Variants in YY1AP1 observed in about 807,000 individuals in gnomAD.
YY1AP1 encodes the protein YY1 associated protein 1, also known as YY1-associated protein 1.
A neutral mutation model predicts 39.9 loss-of-function variants in YY1AP1; 43 were observed. That is an observed-to-expected ratio of 1.08 (90% CI 0.84 to 1.39). The LOEUF is 1.39. Among genes scored for constraint, YY1AP1 ranks in the 40% most tolerant of loss-of-function variants. YY1AP1 has a pLI of 0.00. For synonymous variants in YY1AP1, 292 were observed against 331.3 expected, an observed-to-expected ratio of 0.88 and a Z score of 1.29; for missense variants, 813 against 900.7, an observed-to-expected ratio of 0.90 and a Z score of 1.25.
chr1:155,661,237 G>A (rs1648050342), intron 10 of YY1AP1, 70 bp downstream of exon 10: 6 of 1,614,010 alleles, frequency 3.7e-6, no homozygotes, highest in African/African-American at 1.3e-5. Context: ...GATTAAGGAA[G>A]TCCTTGATAT....
intron 3 of YY1AP1, chr1:155,679,802 T>C (rs1651258547): frequency 8.0e-7 from 1 of 1,252,140 alleles, no homozygotes; most frequent in Non-Finnish European, 1.0e-6. Flanking sequence ...TAGACAAATT[T>C]ATGGAAAAGG....
chr1:155,666,071 C>T (rs1185773683), intron 9 of YY1AP1, among the ~76,000 whole-genome samples: 2 of 151,650 alleles, frequency 1.3e-5, no homozygotes, highest in African/African-American at 2.4e-5. Context: ...GCAGGAAAGG[C>T]AAGGTAACAC....
intron 2 of YY1AP1, among the ~76,000 whole-genome samples, chr1:155,685,422 T>C (rs1217689794): frequency 2.6e-5 from 4 of 152,142 alleles, no homozygotes; most frequent in Admixed American, 6.5e-5. Context: ...TTGTTATAAC[T>C]AAGTTAAACT....
Position 155,668,749 on chromosome 1 carries a change from C to CA in YY1AP1, c.756dup (p.Glu253Ter). On this transcript the variant is annotated frameshift_variant, in exon 9 of 11. Coordinates refer to ENST00000355499, the MANE Select transcript of YY1AP1 (RefSeq NM_139119.3). LOFTEE classifies it high-confidence loss of function. ...AGAGGGTTAAGAAACTCAGTCCCTT[C>CA]AAAATGCTTCAGTCCTAAAGCTAAC... The CA allele has an allele frequency of 5.0e-6, 8 of 1,614,178 alleles. No individual in the cohort carries two copies. The highest frequency in any genetic ancestry group is 5.9e-6 in the Non-Finnish European group (7 of 1,180,034).
Position 155,680,413 on chromosome 1 carries a change from C to CA in YY1AP1, c.21+2dup. 6.2e-7 allele frequency: 1 copy of CA among 1,613,354 alleles called. No individual in the cohort carries two copies. The highest frequency in any genetic ancestry group is 8.5e-7 in the Non-Finnish European group (1 of 1,179,578). ...ATGTTCTCACTTGAGGATCATTACT[C>CA]ACAGTTTCAAACAGATCTTCCATCA... On this transcript the variant is annotated splice_region_variant and intron_variant, in intron 3 of 10. Coordinates refer to ENST00000355499, the MANE Select transcript of YY1AP1 (RefSeq NM_139119.3).
intron 1 of YY1AP1, 50 bp downstream of exon 1, chr1:155,688,609 T>G: frequency 6.5e-7 from 1 of 1,534,104 alleles, no homozygotes; most frequent in Non-Finnish European, 8.7e-7. Flanking sequence ...AGTTCTCCAC[T>G]CCCCCTCAGA....
chr1:155,688,750 G>C lies in YY1AP1; in HGVS notation c.-243C>G. On this transcript the variant is annotated 5_prime_UTR_variant, in exon 1 of 11. Transcript: ENST00000355499. ...ACGGCCACCAACCGCCGCCAAAGCA[G>C]CCGCCGCCAGCACCCCCACCCTACA... is the stretch of plus-strand genomic sequence containing the variant. The C allele has an allele frequency of 1.3e-6, 2 of 1,518,016 alleles. No homozygotes were observed. The highest frequency in any genetic ancestry group is 1.8e-6 in the Non-Finnish European group (2 of 1,138,812). 94.0% of individuals were successfully genotyped at this position (1,518,016 alleles called of 1,614,324 possible). A position where few individuals can be genotyped will look rare whatever the true frequency, so the allele number is the denominator to read the frequency against.
rs1293585496 is a variant in YY1AP1, at chr1:155,668,631, A to G, written c.875T>C (p.Ile292Thr). The G allele has an allele frequency of 6.2e-7, 1 of 1,614,014 alleles. No individual in the cohort carries two copies. Among genetic ancestry groups the G allele is most frequent in the Non-Finnish European group, 8.5e-7 (1 of 1,180,018 alleles). The part of the protein sequence containing the change: ...LNMNRAPDNI[I>T]KFYKKTKQLP... ...GTGCATGCAGGAAACACTCACTTTA[A>G]TGATGTTGTCAGGAGCTCTGTTCAT... Residue 292 changes from isoleucine to threonine, a missense_variant, in exon 9 of 11, where the codon ATT (isoleucine) becomes ACT (threonine). Physicochemically the swap from Ile to Thr is moderately conservative, Grantham distance 89 (BLOSUM62 -1). This residue lies in a region of YY1AP1 where 586 missense variants were observed against 647.4 expected (regional missense o/e 0.91). Coordinates refer to ENST00000355499, the MANE Select transcript of YY1AP1 (RefSeq NM_139119.3).
rs58155011 is a variant in YY1AP1 at position 155,665,784 on chromosome 1, CAAAAAAAAAAA to C, written c.879+2832_879+2842del. Among the ~76,000 whole-genome samples the C allele has an allele frequency of 4.0e-4, 14 of 35,056 alleles. 1 individual carries two copies. The East Asian group carries it at 6.4e-3, about 16-fold the overall frequency. The allele number at this position is 35,056 out of a possible 152,430, so 23.0% of individuals were successfully genotyped here. A position where few individuals can be genotyped will look rare whatever the true frequency, so the allele number is the denominator to read the frequency against. The stretch of plus-strand genomic sequence containing the variant: ...GGGGACAGAGCAAGACTCTGTGTCT[CAAAAAAAAAAA>C]AAAAAAAAAAAAAAGTAATGCAAAA... On this transcript the variant is annotated intron_variant, in intron 9 of 10. Coordinates refer to ENST00000355499, the MANE Select transcript of YY1AP1 (RefSeq NM_139119.3).
intron 1 of YY1AP1, chr1:155,688,411 C>T (rs1652991887): frequency 2.6e-6 from 4 of 1,545,112 alleles, no homozygotes; most frequent in African/African-American, 1.4e-5. Context: ...ACCTCCCACT[C>T]CTCCCTCCTC....
intron 4 of YY1AP1, among the ~76,000 whole-genome samples, chr1:155,677,376 A>G (rs1297812213): frequency 6.6e-6 from 1 of 152,166 alleles, no homozygotes; most frequent in Admixed American, 6.6e-5. Context: ...CTCCTGAAAG[A>G]TTGTTTGCAG....
intron 2 of YY1AP1, among the ~76,000 whole-genome samples, chr1:155,686,637 C>G (rs1480294257): frequency 2.0e-5 from 3 of 152,216 alleles, no homozygotes; most frequent in Non-Finnish European, 4.4e-5. Flanking sequence ...CCACAGATTT[C>G]AAGTTAAGCT....
At chr1:155,673,605 A>G (rs924532943) in intron 6 of YY1AP1, among the ~76,000 whole-genome samples, 2 of 152,082 alleles carry the variant, frequency 1.3e-5, no homozygotes, top group African/African-American at 2.4e-5. Flanking sequence ...GGAGTGATAT[A>G]TAAGCACGGC....
chr1:155,667,298 CT>C (rs1649146962), intron 9 of YY1AP1, among the ~76,000 whole-genome samples: 1 of 151,874 alleles, frequency 6.6e-6, no homozygotes, highest in South Asian at 2.1e-4. Context: ...GAGGTCAGGA[CT>C]TCAAGACCAG....
chr1:155,684,364 ACGT>A (rs894954757), intron 2 of YY1AP1, among the ~76,000 whole-genome samples: 1 of 152,230 alleles, frequency 6.6e-6, no homozygotes, highest in Non-Finnish European at 1.5e-5. Flanking sequence ...TATCACATGT[ACGT>A]TTTGAGAAAA....
chr1:155,670,018 C>A (rs892363269), intron 8 of YY1AP1, among the ~76,000 whole-genome samples: 1 of 152,088 alleles, frequency 6.6e-6, no homozygotes, highest in Admixed American at 6.6e-5. Flanking sequence ...GAGTAAGATC[C>A]TGTCTCTAAA....
At position 155,668,516 on chromosome 1, in the gene YY1AP1, A is replaced by T. The variant is rs1050482682; in HGVS notation, c.879+111T>A. The T allele has an allele frequency of 3.2e-6, 5 of 1,549,024 alleles. No homozygotes were observed. In the East Asian group the frequency reaches 1.1e-4, roughly 35 times the overall value. ...GGAATTAATCTAGTATATAAGTAGG[A>T]GAAATTAGCTTTAGATAAAAGAAGG... On this transcript the variant is annotated intron_variant, in intron 9 of 10. Coordinates refer to ENST00000355499, the MANE Select transcript of YY1AP1 (RefSeq NM_139119.3).
intron 9 of YY1AP1, among the ~76,000 whole-genome samples, chr1:155,665,052 G>C (rs1297195366): frequency 6.6e-6 from 1 of 151,946 alleles, no homozygotes; most frequent in Non-Finnish European, 1.5e-5. Context: ...TTACAGGCGT[G>C]AGCCACTGCG....
intron 2 of YY1AP1, among the ~76,000 whole-genome samples, chr1:155,680,866 T>C (rs1651410159): frequency 1.3e-5 from 2 of 150,830 alleles, no homozygotes; most frequent in African/African-American, 2.4e-5. Flanking sequence ...CACGCCCAGC[T>C]ATCCTTCATT....
Sources: gnomAD v4.1 joint callset for allele counts (sites outside exome capture counted in the v4.1 genomes callset) on GRCh38, gnomAD v4.1.1 for gene constraint, gnomAD v4.1.1 regional missense constraint, MANE v1.5 for transcripts, NCBI Gene and HGNC (gene_info 2026-07-23, HGNC 2026-07-21) for gene names.